DTWD1: variants seen among roughly 807,000 people sequenced by gnomAD.
DTWD1 encodes DTW motif tRNA-uridine aminocarboxypropyltransferase 1.
Under a neutral mutation model 30.2 loss-of-function variants are expected in DTWD1, and 27 were observed. The ratio of observed to expected loss-of-function variants is 0.90; its 90% CI spans 0.66 to 1.23. DTWD1 has a LOEUF of 1.23. Among genes scored for constraint, DTWD1 ranks in the 50% most tolerant of loss-of-function variants. The probability of loss-of-function intolerance (pLI) is 0.00; values close to 1 mark genes in which losing one functional copy is unlikely to be tolerated. For synonymous variants in DTWD1, 99 were observed against 113.1 expected, an observed-to-expected ratio of 0.88 and a Z score of 0.79; for missense variants, 342 against 348.8, an observed-to-expected ratio of 0.98 and a Z score of 0.15.
Position 49,644,358 on chromosome 15 carries a change from C to G in DTWD1, c.*780C>G, listed in dbSNP as rs1424216220. 1 of 152,100 alleles carries G rather than the reference C, an allele frequency of 6.6e-6. No individual in the cohort carries two copies. Among genetic ancestry groups the G allele is most frequent in the East Asian group, 1.9e-4 (1 of 5,190 alleles). The allele number at this position is 152,100 out of a possible 1,614,324, so 9.4% of individuals were successfully genotyped here. ...CTGCTGCCAGGTGAAAAGAGCCTGACTTAGAATGAAGTCAGCGAAGGAAAG... is the reference window on the plus strand; with the variant it reads ...CTGCTGCCAGGTGAAAAGAGCCTGAGTTAGAATGAAGTCAGCGAAGGAAAG... On this transcript the variant is annotated 3_prime_UTR_variant, in exon 5 of 5. Coordinates refer to ENST00000403028, the MANE Select transcript of DTWD1 (RefSeq NM_001144955.2).
chr15:49,632,168 A>C lies in DTWD1; in HGVS notation c.274A>C (p.Lys92Gln). The C allele has an allele frequency of 6.4e-7, 1 of 1,565,982 alleles. No homozygotes were observed. Among genetic ancestry groups the C allele is most frequent in the South Asian group, 1.2e-5 (1 of 80,618 alleles). ...EQIPLVKLPL[K>Q]IDIIKHPNET... ...CTTTTTTTACCTTTAGCTTCCATTG[A>C]AGATTGACATCATTAAACATCCAAA... Residue 92 changes from lysine (K) to glutamine (Q), a missense_variant, in exon 3 of 5, where the codon AAG (lysine) becomes CAG (glutamine). Transcript: ENST00000403028.
At chr15:49,623,263 G>T (rs2078792786) in intron 1 of DTWD1, among the ~76,000 whole-genome samples, 1 of 152,088 alleles carries the variant, frequency 6.6e-6, no homozygotes, top group Non-Finnish European at 1.5e-5. Context: ...AATAACTCAG[G>T]ACTATTAAAG....
intron 3 of DTWD1, chr15:49,633,666 G>T: frequency 3.9e-6 from 1 of 254,332 alleles, no homozygotes; most frequent in South Asian, 3.5e-5. Context: ...TTATTTTATT[G>T]TGATTTTGTT....
intron 2 of DTWD1, among the ~76,000 whole-genome samples, chr15:49,629,255 C>T (rs1598646081): frequency 1.3e-5 from 2 of 152,256 alleles, no homozygotes; most frequent in Middle Eastern, 3.4e-3. Flanking sequence ...ATCTCACGCT[C>T]ATGGAAAACT....
In DTWD1 at chr15:49,654,836, A is replaced by G. The variant is rs377520346; in HGVS notation, c.*11258A>G. 1 of 152,096 alleles carries G rather than the reference A, an allele frequency of 6.6e-6. No homozygotes were observed. The highest frequency in any genetic ancestry group is 1.5e-5 in the Non-Finnish European group (1 of 68,006). The allele number at this position is 152,096 out of a possible 1,614,324, so 9.4% of individuals were successfully genotyped here. A position where few individuals can be genotyped will look rare whatever the true frequency, so the allele number is the denominator to read the frequency against. On this transcript the variant is annotated 3_prime_UTR_variant, in exon 5 of 5. Transcript: ENST00000403028. ...AGTGACTTAAACAACAGAAATTTAT[A>G]TCTTACATTTCTGGAGACTGAAAAT...
intron 2 of DTWD1, among the ~76,000 whole-genome samples, chr15:49,631,619 G>T (rs1452270053): frequency 1.3e-5 from 2 of 152,052 alleles, no homozygotes; most frequent in African/African-American, 2.4e-5. Context: ...ACAACAATTA[G>T]CTGGGCATGG....
chr15:49,637,365 T>A (rs2079015321), intron 4 of DTWD1, among the ~76,000 whole-genome samples: 2 of 152,140 alleles, frequency 1.3e-5, no homozygotes, highest in South Asian at 4.1e-4. Context: ...AACAGGCAAG[T>A]TCACTTGTAC....
rs758688327 is a variant in DTWD1, at chr15:49,625,372, T to G, written c.205T>G (p.Cys69Gly). 9 of 1,613,686 alleles carry G rather than the reference T, an allele frequency of 5.6e-6. No individual in the cohort carries two copies. The highest frequency in any genetic ancestry group is 1.3e-5 in the African/African-American group (1 of 74,930). Residue 69 changes from cysteine to glycine, a missense_variant, in exon 2 of 5, where the codon TGC becomes GGC. Transcript: ENST00000403028. ...LKCGGSRMFY[C>G]YTCYVPVENV... ...ATGTGGTGGTTCCAGAATGTTCTAC[T>G]GCTATACATGTTATGTTCCAGTTGA...
Position 49,652,501 on chromosome 15 carries a change from G to A in DTWD1, c.*8923G>A, listed in dbSNP as rs1187872671. On this transcript the variant is annotated 3_prime_UTR_variant, in exon 5 of 5. Transcript: ENST00000403028. ...AACTCAGGCCTCTCAAGGAATGTGG[G>A]TCTGAATTATACCAGATAAACCACC... 6.8e-6 allele frequency: 1 copy of A among 147,820 alleles called. No homozygotes were observed. Among genetic ancestry groups the A allele is most frequent in the African/African-American group, 2.7e-5 (1 of 37,612 alleles). 9.2% of individuals were successfully genotyped at this position (147,820 alleles called of 1,614,324 possible). A position where few individuals can be genotyped will look rare whatever the true frequency, so the allele number is the denominator to read the frequency against.
At chr15:49,634,011 C>A (rs571791307) in intron 3 of DTWD1, among the ~76,000 whole-genome samples, 2 of 152,168 alleles carry the variant, frequency 1.3e-5, no homozygotes, top group South Asian at 4.1e-4. Context: ...ATAATGAGAT[C>A]GTTGAACCAA....
chr15:49,632,694 GA>G (rs894764119), intron 3 of DTWD1, among the ~76,000 whole-genome samples: 1 of 152,172 alleles, frequency 6.6e-6, no homozygotes, highest in Non-Finnish European at 1.5e-5. Flanking sequence ...AAGAAAGACT[GA>G]GTTAGGATAT....
Position 49,647,436 on chromosome 15 carries a change from G to T in DTWD1, c.*3858G>T, listed in dbSNP as rs1175908061. 1 of 151,986 alleles carries T rather than the reference G, an allele frequency of 6.6e-6. No homozygotes were observed. Among genetic ancestry groups the T allele is most frequent in the Non-Finnish European group, 1.5e-5 (1 of 67,976 alleles). The allele number at this position is 151,986 out of a possible 1,614,324, so 9.4% of individuals were successfully genotyped here. On this transcript the variant is annotated 3_prime_UTR_variant, in exon 5 of 5. Transcript: ENST00000403028. ...TACCCATTGCCTTAATTTTGAGCTT[G>T]TCTGTTTCTTACATTTCTCATTTTG...
Position 49,653,351 on chromosome 15 carries a change from C to A in DTWD1, c.*9773C>A, listed in dbSNP as rs757918649. 1.3e-5 allele frequency: 2 copies of A among 152,132 alleles called. No individual in the cohort carries two copies. Among genetic ancestry groups the A allele is most frequent in the Non-Finnish European group, 2.9e-5 (2 of 68,018 alleles). The allele number at this position is 152,132 out of a possible 1,614,324, so 9.4% of individuals were successfully genotyped here. ...AGTGATAGGAACCACAAGCCCCAAG[C>A]AGCCTCTGGAAGCTGGAAAAAGCAA... On this transcript the variant is annotated 3_prime_UTR_variant, in exon 5 of 5. Transcript: ENST00000403028.
At chr15:49,624,146 T>C (rs2078807685) in intron 1 of DTWD1, among the ~76,000 whole-genome samples, 1 of 152,224 alleles carries the variant, frequency 6.6e-6, no homozygotes, top group Non-Finnish European at 1.5e-5. Flanking sequence ...TATGTTTCTC[T>C]GGACTTTTTG....
chr15:49,637,849 C>T (rs977307787), intron 4 of DTWD1, among the ~76,000 whole-genome samples: 1 of 152,122 alleles, frequency 6.6e-6, no homozygotes, highest in Non-Finnish European at 1.5e-5. Flanking sequence ...CTAGATTTAA[C>T]GAGCTTAATT....
intron 2 of DTWD1, chr15:49,631,184 T>C: frequency 6.1e-6 from 1 of 163,678 alleles, no homozygotes; most frequent in Non-Finnish European, 1.3e-5. Context: ...GTGGAAAAAT[T>C]GTCTTCCACG....
Position 49,634,534 on chromosome 15 carries a change from A to T in DTWD1, c.409-2A>T. The T allele has an allele frequency of 1.9e-6, 3 of 1,606,552 alleles. No homozygotes were observed. Among genetic ancestry groups the T allele is most frequent in the Non-Finnish European group, 2.5e-6 (3 of 1,177,084 alleles). On this transcript the variant is annotated splice_acceptor_variant, in intron 3 of 4. Coordinates refer to ENST00000403028, the MANE Select transcript of DTWD1 (RefSeq NM_001144955.2). LOFTEE classifies it high-confidence loss of function. ...CTGCTAACCCAATTTTCTTTGTTTT[A>T]GGTTGCACTCATTTTTCCTGGACCT...
intron 1 of DTWD1, among the ~76,000 whole-genome samples, chr15:49,622,660 C>G (rs571048915): frequency 6.6e-6 from 1 of 152,094 alleles, no homozygotes; most frequent in African/African-American, 2.4e-5. Context: ...TTTAAATAAC[C>G]CCATTTGCAA....
rs1386173652 is a variant in DTWD1 at position 49,649,316 on chromosome 15, T to G, written c.*5738T>G. ...CAATTAATCAAGTATGAATATAGTA[T>G]AAAGACACAGAAGGTCTCAAAGGTA... On this transcript the variant is annotated 3_prime_UTR_variant, in exon 5 of 5. Coordinates refer to ENST00000403028, the MANE Select transcript of DTWD1 (RefSeq NM_001144955.2). 6.6e-6 allele frequency: 1 copy of G among 152,168 alleles called. No homozygotes were observed. The highest frequency in any genetic ancestry group is 1.5e-5 in the Non-Finnish European group (1 of 68,036). The allele number at this position is 152,168 out of a possible 1,614,324, so 9.4% of individuals were successfully genotyped here. A position where few individuals can be genotyped will look rare whatever the true frequency, so the allele number is the denominator to read the frequency against.
Sources: allele counts gnomAD v4.1 joint callset (sites outside exome capture counted in the v4.1 genomes callset), GRCh38; gene constraint gnomAD v4.1.1; transcripts MANE v1.5; gene names NCBI Gene and HGNC (gene_info 2026-07-23, HGNC 2026-07-21).